DLG2: variants seen among roughly 807,000 people sequenced by gnomAD.
DLG2 encodes discs large MAGUK scaffold protein 2, also known as disks large homolog 2.
DLG2 carries 45 observed loss-of-function variants against 132.5 expected under a neutral mutation model. The observed-to-expected ratio is 0.34, with a 90% CI of 0.27 to 0.44. The LOEUF is 0.44. Ranked by LOEUF, DLG2 falls within the 20% of genes least tolerant of loss-of-function variation. DLG2 has a pLI of 1.00. For missense variants in DLG2, 1,045 were observed against 1,196.9 expected (o/e 0.87, Z 1.87); for synonymous variants, 424 against 419.6 (o/e 1.01, Z -0.13).
intron 6 of DLG2, among the ~76,000 whole-genome samples, chr11:84,703,728 T>G (rs1461528098): frequency 6.6e-6 from 1 of 151,170 alleles, no homozygotes; most frequent in Non-Finnish European, 1.5e-5. Context: ...TTTGAAGATA[T>G]TCTCAGTGAA....
At chr11:83,630,256 A>G (rs1467164620) in intron 19 of DLG2, among the ~76,000 whole-genome samples, 1 of 152,166 alleles carries the variant, frequency 6.6e-6, no homozygotes, top group Non-Finnish European at 1.5e-5. Flanking sequence ...AAATGAAGGC[A>G]GCTTCTGCAA....
intron 10 of DLG2, among the ~76,000 whole-genome samples, chr11:84,097,367 C>G (rs1389169931): frequency 6.6e-6 from 1 of 152,142 alleles, no homozygotes; most frequent in Non-Finnish European, 1.5e-5. Flanking sequence ...ATCAGCTTGG[C>G]CTGCCTTCAA....
chr11:83,757,128 T>C (rs969010319), intron 18 of DLG2, among the ~76,000 whole-genome samples: 7 of 152,198 alleles, frequency 4.6e-5, no homozygotes, highest in Admixed American at 2.0e-4. Context: ...TGTCTTACTT[T>C]TGAGGAATTT....
intron 18 of DLG2, among the ~76,000 whole-genome samples, chr11:83,715,794 G>C (rs577908356): frequency 1.2e-3 from 187 of 152,236 alleles, no homozygotes; most frequent in African/African-American, 4.4e-3. Flanking sequence ...AGGACAAGCT[G>C]AGAGCTCCCT....
chr11:85,199,817 A>T (rs759617851), intron 4 of DLG2, among the ~76,000 whole-genome samples: 8 of 152,216 alleles, frequency 5.3e-5, no homozygotes, highest in Non-Finnish European at 1.0e-4. Flanking sequence ...CTGTTCACAT[A>T]GTCTAGACTC....
At chr11:84,931,271 T>C (rs1422713035) in intron 6 of DLG2, among the ~76,000 whole-genome samples, 1 of 152,164 alleles carries the variant, frequency 6.6e-6, no homozygotes, top group African/African-American at 2.4e-5. Context: ...TTAAGCCTAA[T>C]ATCTGTTAGT....
intron 7 of DLG2, among the ~76,000 whole-genome samples, chr11:84,286,036 A>G (rs978547664): frequency 2.6e-5 from 4 of 152,170 alleles, no homozygotes; most frequent in Non-Finnish European, 5.9e-5. Context: ...CATCATCAAT[A>G]AACGGTAGAC....
intron 5 of DLG2, among the ~76,000 whole-genome samples, chr11:85,112,362 T>G (rs567600976): frequency 1.3e-4 from 20 of 152,102 alleles, no homozygotes; most frequent in Non-Finnish European, 2.6e-4. Context: ...ACCTATACTT[T>G]TGTTGTAATT....
chr11:84,163,490 A>G lies in DLG2; in HGVS notation c.595T>C (p.Tyr199His). 1.2e-6 allele frequency: 2 copies of G among 1,607,296 alleles called. No homozygotes were observed. Among genetic ancestry groups the G allele is most frequent in the Non-Finnish European group, 1.7e-6 (2 of 1,177,608 alleles). Residue 199 changes from tyrosine (Y) to histidine (H), a missense_variant, in exon 9 of 28, where the codon TAT (tyrosine) becomes CAT (histidine). By Grantham distance (83) the Tyr-to-His change is moderately conservative. Coordinates refer to ENST00000376104, the MANE Select transcript of DLG2 (RefSeq NM_001142699.3). ...TCCAGTGTAATTTCTTCAAATTCAT[A>G]TTCAATTTCTGTCCCATTGACCTGT... The part of the protein sequence containing the change: ...IPYVNGTEIE[Y>H]EFEEITLERG...
chr11:84,352,084 C>T (rs2098578474), intron 7 of DLG2, among the ~76,000 whole-genome samples: 1 of 152,156 alleles, frequency 6.6e-6, no homozygotes, highest in South Asian at 2.1e-4. Flanking sequence ...CCTTTTTAAA[C>T]AAATGAGGCA....
At chr11:85,343,880 G>T (rs1330409833) in intron 3 of DLG2, among the ~76,000 whole-genome samples, 1 of 152,058 alleles carries the variant, frequency 6.6e-6, no homozygotes, top group South Asian at 2.1e-4. Context: ...GAGCGTAAAT[G>T]TTTCCAGAAA....
intron 9 of DLG2, among the ~76,000 whole-genome samples, chr11:84,142,934 C>CATAT (rs145689413): frequency 0.012 from 1,795 of 151,012 alleles, 28 homozygotes; most frequent in African/African-American, 0.034. Flanking sequence ...TAAATCCCCT[C>CATAT]ATATATATAT....
chr11:85,485,547 G>C (rs903481612), intron 3 of DLG2, among the ~76,000 whole-genome samples: 1 of 152,150 alleles, frequency 6.6e-6, no homozygotes, highest in Non-Finnish European at 1.5e-5. Context: ...ACAAAGAAGT[G>C]ATGAGAAGTA....
chr11:84,068,131 A>C (rs2096706604), intron 10 of DLG2, among the ~76,000 whole-genome samples: 1 of 152,248 alleles, frequency 6.6e-6, no homozygotes, highest in Admixed American at 6.5e-5. Flanking sequence ...AAATTTCAAA[A>C]GACTATCTCC....
At chr11:84,938,756 G>A (rs2049039279) in intron 6 of DLG2, among the ~76,000 whole-genome samples, 1 of 152,154 alleles carries the variant, frequency 6.6e-6, no homozygotes, top group Admixed American at 6.5e-5. Context: ...TTTTCGCCAG[G>A]GGTGTCTAAC....
intron 6 of DLG2, among the ~76,000 whole-genome samples, chr11:84,878,411 A>G (rs1233622916): frequency 1.3e-5 from 2 of 152,198 alleles, no homozygotes; most frequent in Non-Finnish European, 2.9e-5. Context: ...TTGCAGGGAC[A>G]TGGATGAAGC....
At chr11:84,053,871 A>G (rs1272656202) in intron 11 of DLG2, among the ~76,000 whole-genome samples, 1 of 152,058 alleles carries the variant, frequency 6.6e-6, no homozygotes, top group Non-Finnish European at 1.5e-5. Context: ...TAAACTCACA[A>G]TCTTTACTAC....
chr11:85,073,853 C>A (rs997039654), intron 6 of DLG2, among the ~76,000 whole-genome samples: 1 of 151,680 alleles, frequency 6.6e-6, no homozygotes, highest in Non-Finnish European at 1.5e-5. Flanking sequence ...ACCTAAATAC[C>A]CATCAATGGT....
chr11:83,689,936 T>A (rs887938227), intron 18 of DLG2, among the ~76,000 whole-genome samples: 2 of 143,062 alleles, frequency 1.4e-5, no homozygotes, highest in Non-Finnish European at 3.0e-5. Flanking sequence ...CATAAATATA[T>A]AATATATATT....
Sources: allele counts gnomAD v4.1 joint callset (sites outside exome capture counted in the v4.1 genomes callset), GRCh38; gene constraint gnomAD v4.1.1; transcripts MANE v1.5; gene names NCBI Gene and HGNC (gene_info 2026-07-23, HGNC 2026-07-21).